SC5D: variants seen among roughly 807,000 people sequenced by gnomAD.
SC5D encodes the protein lathosterol oxidase.
SC5D carries 21 observed loss-of-function variants against 23.9 expected under a neutral mutation model. That is an observed-to-expected ratio of 0.88 (90% CI 0.62 to 1.26). SC5D has a LOEUF of 1.26. Ranked by LOEUF, SC5D falls within the 50% of genes most tolerant of loss-of-function variation. The pLI is 0.00. For missense variants in SC5D, 309 were observed against 364.8 expected (o/e 0.85, Z 1.25); for synonymous variants, 113 against 125.9 (o/e 0.90, Z 0.68).
rs1271777903 is a variant in SC5D, at chr11:121,311,014, T to C, written c.*3502T>C. On this transcript the variant is annotated 3_prime_UTR_variant, in exon 5 of 5. Transcript: ENST00000264027. ...CCCAACTTCTTCAAATTCACAACAC[T>C]TGAATGACAGTCTTATTTCAGCACT... Among the ~76,000 whole-genome samples, 11 of 152,230 alleles carry C rather than the reference T, an allele frequency of 7.2e-5. No homozygotes were observed. In the East Asian group the frequency reaches 1.3e-3, roughly 19 times the overall value.
intron 1 of SC5D, among the ~76,000 whole-genome samples, chr11:121,296,501 C>T (rs1298658653): frequency 6.6e-6 from 1 of 152,160 alleles, no homozygotes; most frequent in Non-Finnish European, 1.5e-5. Flanking sequence ...CTGGTGATGT[C>T]CTTCAAAGTC....
chr11:121,306,958 A>G, intron 4 of SC5D, 99 bp from the exon 5 acceptor site: 1 of 998,496 alleles, frequency 1.0e-6, no homozygotes, highest in Non-Finnish European at 1.6e-6. Context: ...TGATCTCTAC[A>G]GGATTTGTTA....
At chr11:121,304,804 A>G (rs1947952140) in intron 3 of SC5D, 1 of 298,070 alleles carries the variant, frequency 3.4e-6, no homozygotes, top group Non-Finnish European at 6.5e-6. Flanking sequence ...TGAGTAGCTT[A>G]TGTCATTGCT....
At chr11:121,295,721 A>G (rs1406302596) in intron 1 of SC5D, among the ~76,000 whole-genome samples, 3 of 152,102 alleles carry the variant, frequency 2.0e-5, no homozygotes. Context: ...TGTTCACACC[A>G]TCATTCCTTA....
At chr11:121,302,670 C>T (rs535876084) in intron 1 of SC5D, among the ~76,000 whole-genome samples, 127 of 152,236 alleles carry the variant, frequency 8.3e-4, no homozygotes, top group Middle Eastern at 3.4e-3. Context: ...ATCTGGGTGT[C>T]GCTGTGTTCC....
chr11:121,299,110 T>C (rs1947909433), intron 1 of SC5D, among the ~76,000 whole-genome samples: 1 of 152,274 alleles, frequency 6.6e-6, no homozygotes, highest in African/African-American at 2.4e-5. Flanking sequence ...GATTAAATGA[T>C]GACTATATTG....
rs899215725 is a variant in SC5D, at chr11:121,309,020, A to G, written c.*1508A>G. Among the ~76,000 whole-genome samples the G allele has an allele frequency of 2.0e-5, 3 of 152,246 alleles. No homozygotes were observed. The highest frequency in any genetic ancestry group is 4.4e-5 in the Non-Finnish European group (3 of 68,040). On this transcript the variant is annotated 3_prime_UTR_variant, in exon 5 of 5. Coordinates refer to ENST00000264027, the MANE Select transcript of SC5D (RefSeq NM_006918.5). ...CTTGCCTAAGAAAAAGAAATTAAGG[A>G]GAAGTAAACTTTATTTCCTAATATA...
rs1948025319 is a variant in SC5D at position 121,313,267 on chromosome 11, G to A, written c.*5755G>A. Reference sequence around the variant, plus strand: ...TGTTTAGAGATATTTGCTGTTGCCTGTGTCTGTAGCTTTTTGTTTTCATTG... The same window carrying A: ...TGTTTAGAGATATTTGCTGTTGCCTATGTCTGTAGCTTTTTGTTTTCATTG... On this transcript the variant is annotated 3_prime_UTR_variant, in exon 5 of 5. Transcript: ENST00000264027. Among the ~76,000 whole-genome samples the A allele has an allele frequency of 6.6e-6, 1 of 152,132 alleles. No individual in the cohort carries two copies. Among genetic ancestry groups the A allele is most frequent in the African/African-American group, 2.4e-5 (1 of 41,424 alleles).
At chr11:121,296,025 A>C (rs538937647) in intron 1 of SC5D, among the ~76,000 whole-genome samples, 3 of 152,086 alleles carry the variant, frequency 2.0e-5, no homozygotes, top group African/African-American at 7.2e-5. Context: ...CTCACCGATA[A>C]CCCATATTTC....
At position 121,311,423 on chromosome 11, in the gene SC5D, CT is replaced by C. The variant is rs1169282520; in HGVS notation, c.*3918del. Among the ~76,000 whole-genome samples the C allele has an allele frequency of 1.3e-5, 2 of 152,126 alleles. No individual in the cohort carries two copies. The highest frequency in any genetic ancestry group is 4.8e-5 in the African/African-American group (2 of 41,422). On this transcript the variant is annotated 3_prime_UTR_variant, in exon 5 of 5. Transcript: ENST00000264027. Reference sequence around the variant, plus strand: ...GGTCCCTACATCAAGGATAAACTATCTTTTTTTAGTCACTCAAAGTCATAAC... The same window carrying C: ...GGTCCCTACATCAAGGATAAACTATCTTTTTTAGTCACTCAAAGTCATAAC...
At position 121,306,371 on chromosome 11, in the gene SC5D, C is replaced by T. The variant is rs570720353; in HGVS notation, c.344-15C>T. The T allele has an allele frequency of 1.1e-4, 149 of 1,312,930 alleles. 1 individual carries two copies. The Admixed American group carries it at 1.5e-3, about 13-fold the overall frequency. 81.3% of individuals were successfully genotyped at this position (1,312,930 alleles called of 1,614,324 possible). Reference sequence around the variant, plus strand: ...GCTGAGTTTTGATTCTTCTGTTTCCCGTTTTCTTTTCTAGGATTGTTTGAA... The same window carrying T: ...GCTGAGTTTTGATTCTTCTGTTTCCTGTTTTCTTTTCTAGGATTGTTTGAA... On this transcript the variant is annotated splice_polypyrimidine_tract_variant and intron_variant, in intron 3 of 4. Transcript: ENST00000264027.
intron 1 of SC5D, among the ~76,000 whole-genome samples, chr11:121,296,903 T>TTA (rs1424962137): frequency 2.0e-5 from 3 of 152,208 alleles, no homozygotes; most frequent in African/African-American, 7.2e-5. Flanking sequence ...GAATTTGACT[T>TTA]TTATAAAGAT....
At chr11:121,304,515 C>T (rs1271614174) in intron 3 of SC5D, 22 bp downstream of exon 3, 2 of 1,610,042 alleles carry the variant, frequency 1.2e-6, no homozygotes, top group Non-Finnish European at 1.7e-6. Flanking sequence ...ACACGAGTGT[C>T]AGGAAGAGAG....
chr11:121,304,156 G>A (rs942140504), intron 2 of SC5D: 3 of 522,284 alleles, frequency 5.7e-6, no homozygotes, highest in Non-Finnish European at 1.0e-5. Flanking sequence ...TTCAGAATTT[G>A]AAATACTTAT....
In SC5D at chr11:121,311,071, C is replaced by A. The variant is rs1281226379; in HGVS notation, c.*3559C>A. Among the ~76,000 whole-genome samples, 2 of 152,186 alleles carry A rather than the reference C, an allele frequency of 1.3e-5. No individual in the cohort carries two copies. The highest frequency in any genetic ancestry group is 2.9e-5 in the Non-Finnish European group (2 of 68,036). On this transcript the variant is annotated 3_prime_UTR_variant, in exon 5 of 5. Transcript: ENST00000264027. ...TATCACCTATTACTTTTATGTGTGTCTTACCTATTTGAGATGCCAGATTCC... is the reference window on the plus strand; with the variant it reads ...TATCACCTATTACTTTTATGTGTGTATTACCTATTTGAGATGCCAGATTCC...
chr11:121,295,450 A>G (rs1372610500), intron 1 of SC5D, among the ~76,000 whole-genome samples: 1 of 152,168 alleles, frequency 6.6e-6, no homozygotes, highest in African/African-American at 2.4e-5. Context: ...GTGAATCTGC[A>G]TGTTTACATA....
intron 1 of SC5D, among the ~76,000 whole-genome samples, chr11:121,299,782 T>A (rs762519841): frequency 6.6e-6 from 1 of 152,160 alleles, no homozygotes; most frequent in Non-Finnish European, 1.5e-5. Flanking sequence ...TAGTACCAGC[T>A]CCTCAGGAGG....
rs1947941103 is a variant in SC5D, at chr11:121,303,556, G to A, written c.181G>A (p.Ala61Thr). ...GAGCTATTATTTTGTCTTCGATCAT[G>A]CATTAATGAAACATCCACAATTTTT... ...TLSYYFVFDH[A>T]LMKHPQFLKN... Residue 61 changes from alanine to threonine, a missense_variant, in exon 2 of 5, where the codon GCA (alanine) becomes ACA (threonine). Coordinates refer to ENST00000264027, the MANE Select transcript of SC5D (RefSeq NM_006918.5). The A allele has an allele frequency of 1.2e-6, 2 of 1,613,116 alleles. No individual in the cohort carries two copies. Among genetic ancestry groups the A allele is most frequent in the Non-Finnish European group, 1.7e-6 (2 of 1,179,310 alleles).
In SC5D at chr11:121,307,825, A is replaced by T. The variant is rs553818571; in HGVS notation, c.*313A>T. 1.4e-4 allele frequency: 36 copies of T among 260,352 alleles called. No individual in the cohort carries two copies. The highest frequency in any genetic ancestry group is 2.6e-4 in the Non-Finnish European group (36 of 135,958). 16.1% of individuals were successfully genotyped at this position (260,352 alleles called of 1,614,324 possible). A position where few individuals can be genotyped will look rare whatever the true frequency, so the allele number is the denominator to read the frequency against. ...TTTTAAATAAGATGGAGAATAAATT[A>T]TTGAGGGGACTAGGCTATATGCATT... is the stretch of plus-strand genomic sequence containing the variant. On this transcript the variant is annotated 3_prime_UTR_variant, in exon 5 of 5. Transcript: ENST00000264027.
Sources: allele counts gnomAD v4.1 joint callset (sites outside exome capture counted in the v4.1 genomes callset), GRCh38; gene constraint gnomAD v4.1.1; transcripts MANE v1.5; gene names NCBI Gene and HGNC (gene_info 2026-07-23, HGNC 2026-07-21).